ZBTB43: variants seen among roughly 807,000 people sequenced by gnomAD.
ZBTB43 encodes the protein zinc finger and BTB domain-containing protein 43.
Under a neutral mutation model 31.1 loss-of-function variants are expected in ZBTB43, and 6 were observed. That is an observed-to-expected ratio of 0.19 (90% confidence interval 0.11 to 0.38). The LOEUF (loss-of-function observed/expected upper bound fraction) is 0.38, where lower values mean the gene tolerates loss of function less well. ZBTB43 is among the 10% of genes least tolerant of loss of function. ZBTB43 has a pLI of 1.00. For missense variants in ZBTB43, 379 were observed against 602.1 expected, an observed-to-expected ratio of 0.63 and a Z score of 3.88; for synonymous variants, 212 against 221.7, an observed-to-expected ratio of 0.96 and a Z score of 0.39.
intron 2 of ZBTB43, among the ~76,000 whole-genome samples, chr9:126,821,371 G>C (rs2032505058): frequency 6.6e-6 from 1 of 151,738 alleles, no homozygotes; most frequent in African/African-American, 2.4e-5. Context: ...GCAAGACTCT[G>C]TCTTTAAAAA....
At chr9:126,814,470 G>A (rs2032328936) in intron 2 of ZBTB43, among the ~76,000 whole-genome samples, 1 of 150,742 alleles carries the variant, frequency 6.6e-6, no homozygotes, top group Non-Finnish European at 1.5e-5. Flanking sequence ...CCTTTTTGGT[G>A]ATAAATTCTT....
intron 2 of ZBTB43, among the ~76,000 whole-genome samples, chr9:126,819,518 T>A (rs957456020): frequency 5.3e-5 from 8 of 152,070 alleles, no homozygotes; most frequent in Non-Finnish European, 7.4e-5. Flanking sequence ...ACCACACCCA[T>A]AAGGGACAGC....
In ZBTB43 at chr9:126,833,550, C is replaced by T. The variant is rs780724442; in HGVS notation, c.1041C>T (p.Tyr347=). 6.2e-7 allele frequency: 1 copy of T among 1,613,928 alleles called. No individual in the cohort carries two copies. The highest frequency in any genetic ancestry group is 1.3e-5 in the African/African-American group (1 of 74,880). ...AGGAGGCTGCCCTCGCAGCAGGTTA[C>T]AGTGAGAATATTGAAATGGTAACAG... ...HRQEAALAAG[Y]SENIEMVTGI... Residue 347 remains tyrosine (Y), a synonymous_variant, in exon 3 of 3, where the codon TAC becomes TAT. Transcript: ENST00000373464. This position sits in a 1 kb window ranked among gnomAD's most constrained non-coding sequence, Gnocchi z 7.9.
At chr9:126,827,100 G>T (rs2032658075) in intron 2 of ZBTB43, among the ~76,000 whole-genome samples, 1 of 152,202 alleles carries the variant, frequency 6.6e-6, no homozygotes, top group South Asian at 2.1e-4. Flanking sequence ...TTTGTACAAT[G>T]ACTTTTCCTA....
At chr9:126,811,667 C>T (rs1405303069) in intron 2 of ZBTB43, among the ~76,000 whole-genome samples, 4 of 152,020 alleles carry the variant, frequency 2.6e-5, no homozygotes, top group Non-Finnish European at 5.9e-5. Flanking sequence ...ACTCTGTCGC[C>T]CAGGCTGGAG....
intron 2 of ZBTB43, among the ~76,000 whole-genome samples, chr9:126,826,142 T>C (rs1428702648): frequency 6.6e-6 from 1 of 151,258 alleles, no homozygotes; most frequent in African/African-American, 2.4e-5. Context: ...GCCTCCCGAG[T>C]AGCTGGTATT....
intron 2 of ZBTB43, among the ~76,000 whole-genome samples, chr9:126,811,680 C>T (rs529314487): frequency 5.9e-5 from 9 of 152,204 alleles, no homozygotes; most frequent in Non-Finnish European, 1.3e-4. Flanking sequence ...GGCTGGAGTG[C>T]AGTGGGGTAA....
chr9:126,832,994 A>C lies in ZBTB43; in HGVS notation c.485A>C (p.His162Pro). The change falls in exon 3 of 3, where the codon CAT (histidine) becomes CCT (proline). Residue 162 changes from histidine to proline, a missense_variant. By Grantham distance (77) the His-to-Pro change is moderately conservative. Coordinates refer to ENST00000373464, the MANE Select transcript of ZBTB43 (RefSeq NM_014007.4). ...VESFELGSGG[H>P]TDFPKAQELR... is the part of the protein sequence containing the mutation. ...AGCTTTGAGCTGGGCTCTGGGGGTC[A>C]TACTGATTTTCCCAAAGCCCAAGAA... 6.2e-7 allele frequency: 1 copy of C among 1,613,874 alleles called. No individual in the cohort carries two copies. The highest frequency in any genetic ancestry group is 8.5e-7 in the Non-Finnish European group (1 of 1,180,028).
chr9:126,828,693 G>A (rs777371695), intron 2 of ZBTB43, among the ~76,000 whole-genome samples: 1 of 145,666 alleles, frequency 6.9e-6, no homozygotes, highest in Non-Finnish European at 1.5e-5. Flanking sequence ...AGGTGTGAAT[G>A]CCCTCCTATA....
upstream of ZBTB43, among the ~76,000 whole-genome samples, chr9:126,804,411 G>A (rs1186296984): frequency 6.6e-6 from 1 of 152,216 alleles, no homozygotes; most frequent in Non-Finnish European, 1.5e-5. Context: ...TCTCCGCCAG[G>A]CATACTGAGG....
At chr9:126,819,369 G>A (rs1405183114) in intron 2 of ZBTB43, among the ~76,000 whole-genome samples, 1 of 136,684 alleles carries the variant, frequency 7.3e-6, no homozygotes, top group East Asian at 2.2e-4. Context: ...TGTTGCACAT[G>A]TTTACTTTCT....
rs776414476 is a variant in ZBTB43 at position 126,833,239 on chromosome 9, A to G, written c.730A>G (p.Ile244Val). 3.7e-6 allele frequency: 6 copies of G among 1,613,716 alleles called. No individual in the cohort carries two copies. The highest frequency in any genetic ancestry group is 5.1e-6 in the Non-Finnish European group (6 of 1,179,992). ...KPSIMAHKRWIHVKPERLEQA... is the reference protein window; with the variant it reads ...KPSIMAHKRWVHVKPERLEQA... ...CAGCATCATGGCTCACAAACGCTGG[A>G]TCCACGTGAAGCCCGAGCGCTTAGA... The change falls in exon 3 of 3, where the codon ATC becomes GTC. Residue 244 changes from isoleucine to valine, a missense_variant. Around this residue, in one of 5 missense-constraint regions of ZBTB43, gnomAD observed 253 missense variants for 322.3 expected, o/e 0.79. Transcript: ENST00000373464. The surrounding 1 kb of genome is among the most constrained non-coding windows in gnomAD (Gnocchi z 7.9).
intron 2 of ZBTB43, among the ~76,000 whole-genome samples, chr9:126,831,249 G>A (rs368091085): frequency 9.9e-5 from 15 of 152,044 alleles, no homozygotes; most frequent in Admixed American, 2.6e-4. Flanking sequence ...TTCCTGCCTC[G>A]GAGCCTTTGC....
At position 126,833,569 on chromosome 9, in the gene ZBTB43, G is replaced by C; in HGVS notation, c.1060G>C (p.Val354Leu). Residue 354 changes from valine to leucine, a missense_variant, in exon 3 of 3, where the codon GTA (valine) becomes CTA (leucine). By Grantham distance (32) the Val-to-Leu change is conservative. Transcript: ENST00000373464. The surrounding 1 kb of genome is among the most constrained non-coding windows in gnomAD (Gnocchi z 7.9). The stretch of plus-strand genomic sequence containing the variant: ...AGGTTACAGTGAGAATATTGAAATG[G>C]TAACAGGGATTAAAGAAGAAGCTTC... The part of the protein sequence containing the change: ...AAGYSENIEM[V>L]TGIKEEASHL... 1.9e-6 allele frequency: 3 copies of C among 1,614,104 alleles called. No individual in the cohort carries two copies. Among genetic ancestry groups the C allele is most frequent in the Non-Finnish European group, 2.5e-6 (3 of 1,180,002 alleles).
chr9:126,818,498 G>A (rs1180015747), intron 2 of ZBTB43, among the ~76,000 whole-genome samples: 1 of 151,928 alleles, frequency 6.6e-6, no homozygotes, highest in East Asian at 1.9e-4. Context: ...GCCCACCTCG[G>A]CCTCCCAAAG....
chr9:126,819,324 C>A (rs1395390084), intron 2 of ZBTB43, among the ~76,000 whole-genome samples: 1 of 147,834 alleles, frequency 6.8e-6, no homozygotes, highest in Non-Finnish European at 1.5e-5. Flanking sequence ...CTGTGGCAAC[C>A]CTGCATTAAG....
At chr9:126,815,045 T>C (rs1225109631) in intron 2 of ZBTB43, among the ~76,000 whole-genome samples, 1 of 151,884 alleles carries the variant, frequency 6.6e-6, no homozygotes, top group African/African-American at 2.4e-5. Flanking sequence ...TGTGCCTTGC[T>C]GTAGTTTTTT....
intron 2 of ZBTB43, chr9:126,831,836 T>TGGG (rs1454142527): frequency 6.7e-6 from 1 of 150,104 alleles, no homozygotes; most frequent in African/African-American, 2.5e-5. Flanking sequence ...CGGGCGCCTA[T>TGGG]AATCCCAGCT....
At chr9:126,806,389 C>T (rs767648813) in intron 1 of ZBTB43, among the ~76,000 whole-genome samples, 5 of 152,164 alleles carry the variant, frequency 3.3e-5, no homozygotes, top group Non-Finnish European at 7.4e-5. Context: ...AAACCACACA[C>T]AAAAGGACAA....
Sources: allele counts gnomAD v4.1 joint callset (sites outside exome capture counted in the v4.1 genomes callset), GRCh38; gene constraint gnomAD v4.1.1; regional missense constraint gnomAD v4.1.1; non-coding constraint Gnocchi (gnomAD v3.1); transcripts MANE v1.5; gene names NCBI Gene and HGNC (gene_info 2026-07-23, HGNC 2026-07-21).